SEMA3A: variants seen among roughly 807,000 people sequenced by gnomAD.
SEMA3A encodes semaphorin-3A.
In SEMA3A, 29 loss-of-function variants were observed where a neutral mutation model predicts 97.9. That is an observed-to-expected ratio of 0.30 (90% CI 0.22 to 0.40). The LOEUF (loss-of-function observed/expected upper bound fraction) is 0.40, where lower values mean the gene tolerates loss of function less well. Among genes scored for constraint, SEMA3A ranks in the 10% least tolerant of loss-of-function variants. The pLI, the probability that SEMA3A is intolerant of heterozygous loss-of-function variation, is 1.00. For missense variants in SEMA3A, 763 were observed against 951.3 expected (o/e 0.80, Z 2.60); for synonymous variants, 321 against 323.7 (o/e 0.99, Z 0.09).
intron 5 of SEMA3A, among the ~76,000 whole-genome samples, chr7:84,052,735 T>C (rs914391026): frequency 4.0e-5 from 6 of 151,396 alleles, no homozygotes; most frequent in Admixed American, 2.6e-4. Context: ...TGATTTTAGT[T>C]ATTTCTTGCC....
chr7:84,253,199 C>A (rs1411822075), intron 3 of SEMA3A, among the ~76,000 whole-genome samples: 1 of 152,088 alleles, frequency 6.6e-6, no homozygotes, highest in Non-Finnish European at 1.5e-5. Flanking sequence ...TAGAATCATG[C>A]TTTCTACAAA....
intron 3 of SEMA3A, among the ~76,000 whole-genome samples, chr7:84,211,456 C>CAA (rs71522696): frequency 5.2e-4 from 66 of 125,788 alleles, no homozygotes; most frequent in Middle Eastern, 3.9e-3. Flanking sequence ...ACTAAAAATA[C>CAA]AAAAAAAAAA....
At chr7:84,416,364 A>G (rs909222568) in intron 1 of SEMA3A, among the ~76,000 whole-genome samples, 1 of 152,124 alleles carries the variant, frequency 6.6e-6, no homozygotes, top group African/African-American at 2.4e-5. Context: ...AGGCCTCCCC[A>G]GCCATGTGGA....
intron 1 of SEMA3A, among the ~76,000 whole-genome samples, chr7:84,182,092 A>C (rs963090898): frequency 6.6e-6 from 1 of 152,056 alleles, no homozygotes; most frequent in African/African-American, 2.4e-5. Flanking sequence ...CATGTTCTTC[A>C]TTCTATTTAC....
At chr7:84,030,213 A>G (rs1387121563) in intron 6 of SEMA3A, among the ~76,000 whole-genome samples, 2 of 152,176 alleles carry the variant, frequency 1.3e-5, no homozygotes, top group Non-Finnish European at 2.9e-5. Context: ...GCTCTGTGAT[A>G]GCAAGTAATT....
chr7:84,251,494 C>T (rs1829507), intron 3 of SEMA3A, among the ~76,000 whole-genome samples: 4,967 of 152,172 alleles, frequency 0.033, 95 homozygotes, highest in South Asian at 0.046. Flanking sequence ...GTGAGGACAT[C>T]CATGCTAAAG....
chr7:84,216,910 G>A (rs531959457), intron 3 of SEMA3A, among the ~76,000 whole-genome samples: 1 of 152,246 alleles, frequency 6.6e-6, no homozygotes, highest in South Asian at 2.1e-4. Context: ...TGGAAAAATT[G>A]AGTCAAAAGA....
chr7:84,309,790 T>G (rs1801268841), intron 2 of SEMA3A, among the ~76,000 whole-genome samples: 1 of 152,194 alleles, frequency 6.6e-6, no homozygotes. Context: ...TGAAGTGTTT[T>G]CTAAATCGAC....
intron 1 of SEMA3A, among the ~76,000 whole-genome samples, chr7:84,421,637 G>T (rs1219384081): frequency 1.3e-5 from 2 of 152,062 alleles, no homozygotes; most frequent in Middle Eastern, 3.2e-3. Flanking sequence ...CATTCAGTAT[G>T]ATATTGGCTG....
chr7:84,245,341 A>T (rs1799454413), intron 3 of SEMA3A, among the ~76,000 whole-genome samples: 1 of 151,416 alleles, frequency 6.6e-6, no homozygotes, highest in African/African-American at 2.4e-5. Context: ...CATTAAGTTG[A>T]TCTTCAATCT....
chr7:84,031,607 G>A (rs554902578), intron 6 of SEMA3A, among the ~76,000 whole-genome samples: 105 of 152,212 alleles, frequency 6.9e-4, no homozygotes, highest in African/African-American at 2.5e-3. Context: ...GCTGAGGTGG[G>A]TGGATCACCT....
At position 84,284,694 on chromosome 7, in the gene SEMA3A, C is replaced by G. The variant is rs141044875; in HGVS notation, c.-83+22513G>C. ...GTGTCTTATGAACTGAATGATTTTT[C>G]TTTTCAAAGGTATTGATAACAAGGG... On this transcript the variant is annotated intron_variant, in intron 3 of 3. Transcript: ENST00000424555. Among the ~76,000 whole-genome samples the G allele has an allele frequency of 2.8e-3, 426 of 152,194 alleles. 9 individuals carry two copies. The East Asian group carries it at 0.06, about 22-fold the overall frequency.
At position 84,268,251 on chromosome 7, in the gene SEMA3A, G is replaced by A. The variant is rs1253620316; in HGVS notation, c.-83+38956C>T. Among the ~76,000 whole-genome samples, 23 of 94,160 alleles carry A rather than the reference G, an allele frequency of 2.4e-4. No individual in the cohort carries two copies. In the Admixed American group the frequency reaches 2.5e-3, roughly 10 times the overall value. 61.8% of individuals were successfully genotyped at this position (94,160 alleles called of 152,430 possible). Reference sequence around the variant, plus strand: ...GATTTTTCCTGAGAGACATAAGCATGTGTGTGTGTGTGTGTGTGTGTGTGT... The same window carrying A: ...GATTTTTCCTGAGAGACATAAGCATATGTGTGTGTGTGTGTGTGTGTGTGT... On this transcript the variant is annotated intron_variant, in intron 3 of 3. Coordinates refer to the SEMA3A transcript ENST00000424555.
intron 1 of SEMA3A, among the ~76,000 whole-genome samples, chr7:84,186,367 A>T (rs2116253177): frequency 6.6e-6 from 1 of 152,312 alleles, no homozygotes; most frequent in South Asian, 2.1e-4. Context: ...CAAGTAAGAA[A>T]TAGTTAATAA....
chr7:84,474,336 T>C (rs958447796), intron 1 of SEMA3A, among the ~76,000 whole-genome samples: 35 of 152,224 alleles, frequency 2.3e-4, no homozygotes, highest in Non-Finnish European at 3.8e-4. Context: ...GGCTTGTTCC[T>C]AAGACAGGTT....
At chr7:83,999,422 T>A (rs552637251) in intron 12 of SEMA3A, among the ~76,000 whole-genome samples, 1 of 143,632 alleles carries the variant, frequency 7.0e-6, no homozygotes. Context: ...CTAATTCATA[T>A]CAGAAAATAA....
chr7:84,396,797 C>CA (rs1013543309), intron 1 of SEMA3A, among the ~76,000 whole-genome samples: 2 of 151,800 alleles, frequency 1.3e-5, no homozygotes, highest in Non-Finnish European at 2.9e-5. Context: ...TTTCTTATCT[C>CA]AAAAAAATCA....
chr7:84,314,207 A>T (rs1282740171), intron 2 of SEMA3A, among the ~76,000 whole-genome samples: 1 of 152,106 alleles, frequency 6.6e-6, no homozygotes, highest in African/African-American at 2.4e-5. Context: ...ATCCTCTCAG[A>T]ATTCAGTCAG....
intron 10 of SEMA3A, among the ~76,000 whole-genome samples, chr7:84,006,377 C>T (rs934235325): frequency 1.5e-4 from 23 of 150,756 alleles, no homozygotes; most frequent in African/African-American, 5.4e-4. Context: ...TAAAATAATC[C>T]CAGAGTTAAG....
Sources: gnomAD v4.1 joint callset for allele counts (sites outside exome capture counted in the v4.1 genomes callset) on GRCh38, gnomAD v4.1.1 for gene constraint, MANE v1.5 for transcripts, NCBI Gene and HGNC (gene_info 2026-07-23, HGNC 2026-07-21) for gene names.